TBX5: variants seen among roughly 807,000 people sequenced by gnomAD.
The protein encoded by TBX5 is T-box transcription factor 5.
In TBX5, 8 loss-of-function variants were observed where a neutral mutation model predicts 51.1. The observed-to-expected ratio is 0.16, with a 90% CI of 0.09 to 0.28. TBX5 has a LOEUF of 0.28. Among genes scored for constraint, TBX5 ranks in the 10% least tolerant of loss-of-function variants. The pLI is 1.00. For synonymous variants in TBX5, 302 were observed against 266.4 expected (o/e 1.13, Z -1.30); for missense variants, 589 against 671.7 (o/e 0.88, Z 1.36).
intron 7 of TBX5, among the ~76,000 whole-genome samples, chr12:114,368,199 T>A (rs1869660125): frequency 6.6e-6 from 1 of 152,202 alleles, no homozygotes; most frequent in Admixed American, 6.5e-5. Context: ...TTAAGACGAA[T>A]GTTTATGTGC....
intron 7 of TBX5, among the ~76,000 whole-genome samples, chr12:114,370,292 G>GAAAAGAAAA (rs1869809067): frequency 3.6e-5 from 1 of 28,124 alleles, no homozygotes; most frequent in African/African-American, 1.2e-4. Context: ...AGAAAAGAAA[G>GAAAAGAAAA]AAAAGAAAAG....
At chr12:114,372,447 G>A (rs1869961338) in intron 7 of TBX5, among the ~76,000 whole-genome samples, 1 of 151,848 alleles carries the variant, frequency 6.6e-6, no homozygotes, top group African/African-American at 2.4e-5. Flanking sequence ...TGGAACTGTA[G>A]GCATGTGCCA....
chr12:114,393,422 G>A (rs999345709), intron 6 of TBX5, among the ~76,000 whole-genome samples: 8 of 152,248 alleles, frequency 5.3e-5, no homozygotes, highest in Middle Eastern at 6.8e-3. Context: ...GAGGGCAGGG[G>A]CCCCTCCCCC....
chr12:114,356,120 A>G lies in TBX5; in HGVS notation c.983-14T>C. The G allele has an allele frequency of 6.2e-7, 1 of 1,606,410 alleles. No individual in the cohort carries two copies. Among genetic ancestry groups the G allele is most frequent in the Non-Finnish European group, 8.5e-7 (1 of 1,179,710 alleles). ...AACATTCTTCCTCTGTGAAGACAGGAGAGACAGCAGTGAGGCCAGGAGCAG... is the reference window on the plus strand; with the variant it reads ...AACATTCTTCCTCTGTGAAGACAGGGGAGACAGCAGTGAGGCCAGGAGCAG... On this transcript the variant is annotated splice_polypyrimidine_tract_variant and intron_variant, in intron 8 of 8. Transcript: ENST00000405440.
chr12:114,379,787 G>T (rs1870408361), intron 7 of TBX5, among the ~76,000 whole-genome samples: 2 of 152,190 alleles, frequency 1.3e-5, no homozygotes, highest in African/African-American at 2.4e-5. Context: ...TATGCCTAGT[G>T]CTTGGCATAC....
intron 6 of TBX5, among the ~76,000 whole-genome samples, chr12:114,386,244 G>T (rs1195645175): frequency 6.6e-6 from 1 of 152,152 alleles, no homozygotes; most frequent in East Asian, 1.9e-4. Context: ...AACATACAAG[G>T]CATAGTTACA....
At chr12:114,388,653 T>G (rs1168860748) in intron 6 of TBX5, among the ~76,000 whole-genome samples, 1 of 150,684 alleles carries the variant, frequency 6.6e-6, no homozygotes, top group African/African-American at 2.5e-5. Flanking sequence ...TAAAGTTTAT[T>G]TTAAAATATT....
rs1869811763 is a variant in TBX5, at chr12:114,370,293, A to AAAAGAAAAGAAAAGAAAAGAAAAC, written c.756-3903_756-3902insGTTTTCTTTTCTTTTCTTTTCTTT. Among the ~76,000 whole-genome samples, 75 of 128,802 alleles carry AAAAGAAAAGAAAAGAAAAGAAAAC rather than the reference A, an allele frequency of 5.8e-4. 4 individuals are homozygous for AAAAGAAAAGAAAAGAAAAGAAAAC. The highest frequency in any genetic ancestry group is 2.0e-3 in the African/African-American group (66 of 33,836). 84.5% of individuals were successfully genotyped at this position (128,802 alleles called of 152,430 possible). On this transcript the variant is annotated intron_variant, in intron 7 of 8. Transcript: ENST00000405440. Reference sequence around the variant, plus strand: ...GAAAAGAAAAGAAAAGAAAAGAAAGAAAAGAAAAGAAAAGAAAAGAAAGAA... The same window carrying AAAAGAAAAGAAAAGAAAAGAAAAC: ...GAAAAGAAAAGAAAAGAAAAGAAAGAAAAGAAAAGAAAAGAAAAGAAAACAAAGAAAAGAAAAGAAAAGAAAGAA...
chr12:114,398,216 C>A (rs1220831108), intron 5 of TBX5, among the ~76,000 whole-genome samples: 2 of 152,122 alleles, frequency 1.3e-5, no homozygotes, highest in Non-Finnish European at 2.9e-5. Context: ...GAACGACAGA[C>A]CCAGATCTGG....
upstream of TBX5, chr12:114,408,156 C>A (rs976991391): frequency 2.0e-6 from 2 of 985,240 alleles, no homozygotes; most frequent in Non-Finnish European, 2.4e-6. Flanking sequence ...TGGGGGGCAG[C>A]GGCGGGAGGT....
intron 1 of TBX5, among the ~76,000 whole-genome samples, chr12:114,404,156 C>T (rs1473979331): frequency 2.0e-5 from 3 of 152,136 alleles, no homozygotes. Context: ...TAAGCAGGCA[C>T]AACTTCTTGC....
chr12:114,405,253 G>A (rs937511638), intron 1 of TBX5, among the ~76,000 whole-genome samples: 1 of 152,122 alleles, frequency 6.6e-6, no homozygotes, highest in Non-Finnish European at 1.5e-5. Context: ...GGCGGCGACT[G>A]GAGCCCCGCT....
chr12:114,360,919 T>C (rs904714226), intron 8 of TBX5, among the ~76,000 whole-genome samples: 2 of 152,324 alleles, frequency 1.3e-5, no homozygotes, highest in East Asian at 3.9e-4. Flanking sequence ...AGACTCAGTT[T>C]GAAACATCAC....
chr12:114,406,419 T>C (rs148781000), upstream of TBX5, among the ~76,000 whole-genome samples: 291 of 152,146 alleles, frequency 1.9e-3, 2 homozygotes, highest in African/African-American at 6.7e-3. Context: ...AATCGGGAAG[T>C]AATCTCAGTG....
intron 7 of TBX5, among the ~76,000 whole-genome samples, chr12:114,380,094 A>G (rs1463002251): frequency 6.6e-6 from 1 of 151,166 alleles, no homozygotes; most frequent in Non-Finnish European, 1.5e-5. Flanking sequence ...AGCCCAGAAA[A>G]CCCTTCTTCC....
chr12:114,366,511 T>C (rs1272751557), intron 7 of TBX5, 120 bp from the exon 8 acceptor site: 1 of 907,418 alleles, frequency 1.1e-6, no homozygotes, highest in East Asian at 2.5e-5. Context: ...AAAAAAGAGG[T>C]CTTTGATGAA....
chr12:114,397,891 C>T (rs1230402121), intron 5 of TBX5, among the ~76,000 whole-genome samples: 3 of 152,166 alleles, frequency 2.0e-5, no homozygotes, highest in African/African-American at 7.2e-5. Flanking sequence ...GCTGGGCTCT[C>T]CCTCTCCCCT....
intron 7 of TBX5, among the ~76,000 whole-genome samples, chr12:114,369,477 C>G (rs1011503562): frequency 1.3e-5 from 2 of 152,216 alleles, no homozygotes; most frequent in Non-Finnish European, 2.9e-5. Flanking sequence ...CCCCAAACCC[C>G]TCTGACAAGT....
At chr12:114,357,643 A>G (rs544169386) in intron 8 of TBX5, among the ~76,000 whole-genome samples, 2 of 152,356 alleles carry the variant, frequency 1.3e-5, no homozygotes, top group Non-Finnish European at 2.9e-5. Context: ...AGTCAGGCTC[A>G]TGGCAGACAT....
Sources: allele counts gnomAD v4.1 joint callset (sites outside exome capture counted in the v4.1 genomes callset), GRCh38; gene constraint gnomAD v4.1.1; transcripts MANE v1.5; gene names NCBI Gene and HGNC (gene_info 2026-07-23, HGNC 2026-07-21).